The following ST3GAL2 variants were observed in gnomAD, a reference collection of about 807,000 sequenced individuals.
ST3GAL2 encodes the protein ST3 beta-galactoside alpha-2,3-sialyltransferase 2, also known as CMP-N-acetylneuraminate-beta-galactosamide-alpha-2,3-sialyltransferase 2.
In ST3GAL2, 16 loss-of-function variants were observed where a neutral mutation model predicts 37.5. That is an observed-to-expected ratio of 0.43 (90% CI 0.29 to 0.65). ST3GAL2 has a LOEUF of 0.65. Ranked by LOEUF, ST3GAL2 falls within the 30% of genes least tolerant of loss-of-function variation. The pLI is 0.17. For missense variants in ST3GAL2, 383 were observed against 487.8 expected, an observed-to-expected ratio of 0.79 and a Z score of 2.02; for synonymous variants, 238 against 202.9, an observed-to-expected ratio of 1.17 and a Z score of -1.47.
chr16:70,398,130 G>T, intron 2 of ST3GAL2, 62 bp downstream of exon 2: 1 of 1,546,016 alleles, frequency 6.5e-7, no homozygotes, highest in Non-Finnish European at 8.8e-7. Flanking sequence ...AAATCCAAGA[G>T]GGGGCTCTGA....
rs926820528 is a variant in ST3GAL2 at position 70,380,149 on chromosome 16, A to C, written c.*1540T>G. 3 of 152,010 alleles carry C rather than the reference A, an allele frequency of 2.0e-5. No individual in the cohort carries two copies. The highest frequency in any genetic ancestry group is 7.3e-5 in the African/African-American group (3 of 41,338). 9.4% of individuals were successfully genotyped at this position (152,010 alleles called of 1,614,324 possible). On this transcript the variant is annotated 3_prime_UTR_variant, in exon 7 of 7. Coordinates refer to ENST00000342907, the MANE Select transcript of ST3GAL2 (RefSeq NM_006927.4). Reference sequence around the variant, plus strand: ...AGAGGCATTCTACTAACCCCACCCCAATCACCCCTATTTTTACTCTTTCTA... The same window carrying C: ...AGAGGCATTCTACTAACCCCACCCCCATCACCCCTATTTTTACTCTTTCTA...
intron 1 of ST3GAL2, among the ~76,000 whole-genome samples, chr16:70,405,182 A>C (rs1379296892): frequency 6.6e-6 from 1 of 152,194 alleles, no homozygotes; most frequent in Non-Finnish European, 1.5e-5. Flanking sequence ...ATTCAGATAT[A>C]AAAAGGAATC....
At chr16:70,432,801 C>T (rs1406540001) in intron 1 of ST3GAL2, among the ~76,000 whole-genome samples, 2 of 152,180 alleles carry the variant, frequency 1.3e-5, no homozygotes, top group Non-Finnish European at 2.9e-5. Context: ...TTGGTAAGGA[C>T]TCAGGTGTGT....
intron 1 of ST3GAL2, among the ~76,000 whole-genome samples, chr16:70,401,386 GAGA>G (rs989737403): frequency 1.3e-5 from 2 of 148,572 alleles, no homozygotes; most frequent in African/African-American, 5.2e-5. Context: ...GGAAAGAGCA[GAGA>G]AGTAGAGGAA....
rs543472558 is a variant in ST3GAL2, at chr16:70,420,013, C to A, written c.-1004+18936G>T. ...GGGACACCACAACTGACCATTTGAC[C>A]CCCCCCTTCCCTTTTTTTTTTTTTT... On this transcript the variant is annotated intron_variant, in intron 1 of 6. Coordinates refer to ENST00000342907, the MANE Select transcript of ST3GAL2 (RefSeq NM_006927.4). 2.2e-4 allele frequency among the ~76,000 whole-genome samples: 33 copies of A among 146,952 alleles called. 1 individual carries two copies. Among genetic ancestry groups the A allele is most frequent in the Admixed American group, 6.7e-4 (10 of 14,936 alleles).
chr16:70,379,316 A>G lies in ST3GAL2; in HGVS notation c.*2373T>C, dbSNP rs2047377131. ...GCTGATTTTTAACCAAAATGCTTGT[A>G]CCCGCTCAGATTTCAGTGTCTTGGA... On this transcript the variant is annotated 3_prime_UTR_variant, in exon 7 of 7. Transcript: ENST00000342907. The G allele has an allele frequency of 6.6e-6, 1 of 152,160 alleles. No individual in the cohort carries two copies. The highest frequency in any genetic ancestry group is 2.1e-4 in the South Asian group (1 of 4,834). The allele number at this position is 152,160 out of a possible 1,614,324, so 9.4% of individuals were successfully genotyped here.
intron 1 of ST3GAL2, among the ~76,000 whole-genome samples, chr16:70,411,558 G>A (rs192487441): frequency 2.0e-5 from 3 of 152,040 alleles, no homozygotes; most frequent in South Asian, 2.1e-4. Context: ...TAGAAAGATC[G>A]AGGGTCCTTC....
intron 1 of ST3GAL2, among the ~76,000 whole-genome samples, chr16:70,409,635 G>A (rs543991332): frequency 5.9e-5 from 9 of 151,874 alleles, no homozygotes; most frequent in South Asian, 2.1e-4. Context: ...CAGCCACTGC[G>A]CCCAGGCTTT....
chr16:70,402,952 T>C (rs978702696), intron 1 of ST3GAL2, among the ~76,000 whole-genome samples: 1 of 152,212 alleles, frequency 6.6e-6, no homozygotes, highest in East Asian at 1.9e-4. Context: ...CGCCTAGCCA[T>C]GGAGTATTTC....
In ST3GAL2 at chr16:70,398,588, G is replaced by A; in HGVS notation, c.-58C>T. Reference sequence around the variant, plus strand: ...CACTCTTTTCCCAGCCCGCTGAGGGGCCAGCCACGGCGTAGCCTGCCTATT... The same window carrying A: ...CACTCTTTTCCCAGCCCGCTGAGGGACCAGCCACGGCGTAGCCTGCCTATT... On this transcript the variant is annotated 5_prime_UTR_variant, in exon 2 of 7. Coordinates refer to ENST00000342907, the MANE Select transcript of ST3GAL2 (RefSeq NM_006927.4). 1 of 1,476,974 alleles carries A rather than the reference G, an allele frequency of 6.8e-7. No individual in the cohort carries two copies. Among genetic ancestry groups the A allele is most frequent in the Non-Finnish European group, 9.1e-7 (1 of 1,102,088 alleles). 91.5% of individuals were successfully genotyped at this position (1,476,974 alleles called of 1,614,324 possible).
chr16:70,391,971 C>T (rs1261146819), intron 3 of ST3GAL2, among the ~76,000 whole-genome samples: 2 of 152,204 alleles, frequency 1.3e-5, no homozygotes, highest in Non-Finnish European at 2.9e-5. Flanking sequence ...GCCAAGAGAT[C>T]CTGCAGAGCA....
At chr16:70,384,705 CA>C (rs34907504) in intron 4 of ST3GAL2, among the ~76,000 whole-genome samples, 24,156 of 69,174 alleles carry the variant, frequency 0.35, 1,946 homozygotes, top group Non-Finnish European at 0.4. Context: ...AACTCTGTCT[CA>C]AAAAAAAAAA....
In ST3GAL2 at chr16:70,388,530, T is replaced by C. The variant is rs142578999; in HGVS notation, c.550A>G (p.Thr184Ala). 1.9e-6 allele frequency: 3 copies of C among 1,598,242 alleles called. No homozygotes were observed. Among genetic ancestry groups the C allele is most frequent in the Non-Finnish European group, 1.7e-6 (2 of 1,170,498 alleles). The change falls in exon 4 of 7, where the codon ACC becomes GCC. Residue 184 changes from threonine to alanine, a missense_variant. This residue lies in a region of ST3GAL2 where 160 missense variants were observed against 248.6 expected (regional missense o/e 0.64). Coordinates refer to ENST00000342907, the MANE Select transcript of ST3GAL2 (RefSeq NM_006927.4). Reference protein sequence around the residue: ...NFIMRMNQAPTVGFEQDVGSR... With the variant: ...NFIMRMNQAPAVGFEQDVGSR... ...CCAACATCCTGCTCAAAGCCCACGG[T>C]TGGCGCCTGATTCATCCTGCAGGGA...
intron 6 of ST3GAL2, 146 bp from the exon 7 acceptor site, chr16:70,382,008 C>A: frequency 2.3e-6 from 2 of 852,360 alleles, no homozygotes; most frequent in Non-Finnish European, 3.6e-6. Context: ...CATGGACTCA[C>A]ATGGGGACAC....
intron 1 of ST3GAL2, among the ~76,000 whole-genome samples, chr16:70,419,012 A>G (rs1468589149): frequency 6.6e-6 from 1 of 152,188 alleles, no homozygotes; most frequent in African/African-American, 2.4e-5. Flanking sequence ...CGAGTCGCAC[A>G]AAGTGGCAGG....
At chr16:70,400,956 G>A (rs2047550904) in intron 1 of ST3GAL2, 1 of 152,316 alleles carries the variant, frequency 6.6e-6, no homozygotes, top group Admixed American at 6.5e-5. Flanking sequence ...TCCCACTCTA[G>A]GCATGGCCTT....
In ST3GAL2 at chr16:70,426,802, G is replaced by A. The variant is rs556740142; in HGVS notation, c.-1004+12147C>T. 8.5e-5 allele frequency among the ~76,000 whole-genome samples: 13 copies of A among 152,260 alleles called. No homozygotes were observed. The South Asian group carries it at 1.9e-3, about 22-fold the overall frequency. On this transcript the variant is annotated intron_variant, in intron 1 of 6. Transcript: ENST00000342907. ...TGGAATTATAGGCGTGAGCCACCGCGCCTGGCCCAAAAGTGTATTTCAACC... is the reference window on the plus strand; with the variant it reads ...TGGAATTATAGGCGTGAGCCACCGCACCTGGCCCAAAAGTGTATTTCAACC...
intron 1 of ST3GAL2, among the ~76,000 whole-genome samples, chr16:70,436,476 G>C (rs909783702): frequency 8.5e-6 from 1 of 117,476 alleles, no homozygotes; most frequent in Non-Finnish European, 1.9e-5. Flanking sequence ...AAAAAAAAAA[G>C]ACTTCGCATC....
At chr16:70,437,904 G>C (rs899651741) in intron 1 of ST3GAL2, among the ~76,000 whole-genome samples, 4 of 152,284 alleles carry the variant, frequency 2.6e-5, no homozygotes, top group Non-Finnish European at 4.4e-5. Flanking sequence ...ACTGGCCAGA[G>C]GTCCCAGAGT....
Sources: gnomAD v4.1 joint callset for allele counts (sites outside exome capture counted in the v4.1 genomes callset) on GRCh38, gnomAD v4.1.1 for gene constraint, gnomAD v4.1.1 regional missense constraint, MANE v1.5 for transcripts, NCBI Gene and HGNC (gene_info 2026-07-23, HGNC 2026-07-21) for gene names.